Variants in BTN3A2 observed in about 807,000 individuals in gnomAD.
BTN3A2 encodes the protein butyrophilin protein.
Under a neutral mutation model 37.6 loss-of-function variants are expected in BTN3A2, and 25 were observed. That is an observed-to-expected ratio of 0.66 (90% CI 0.48 to 0.93). The LOEUF is 0.93. Ranked by LOEUF, BTN3A2 falls within the 40% of genes least tolerant of loss-of-function variation. The probability of loss-of-function intolerance (pLI) is 0.00; values close to 1 mark genes in which losing one functional copy is unlikely to be tolerated. For missense variants in BTN3A2, 266 were observed against 410.9 expected, an observed-to-expected ratio of 0.65 and a Z score of 3.05; for synonymous variants, 122 against 159.4, an observed-to-expected ratio of 0.77 and a Z score of 1.77.
At chr6:26,374,129 A>G in intron 8 of BTN3A2, 198 bp from the exon 9 acceptor site, 1 of 514,260 alleles carries the variant, frequency 1.9e-6, no homozygotes, top group Middle Eastern at 5.3e-4. Flanking sequence ...CGATGTTCCC[A>G]GACTTGATAT....
At position 26,375,868 on chromosome 6, in the gene BTN3A2, A is replaced by T; in HGVS notation, c.*106A>T. 2 of 1,546,808 alleles carry T rather than the reference A, an allele frequency of 1.3e-6. No homozygotes were observed. Among genetic ancestry groups the T allele is most frequent in the Non-Finnish European group, 1.8e-6 (2 of 1,142,686 alleles). On this transcript the variant is annotated 3_prime_UTR_variant, in exon 11 of 11. Coordinates refer to ENST00000377708, the MANE Select transcript of BTN3A2 (RefSeq NM_007047.5). The stretch of plus-strand genomic sequence containing the variant: ...ATGTATGGAAAAATAGACTGCAGAA[A>T]AGGGGAACTCATTTAGCTCACGAGT...
chr6:26,372,726 A>T, intron 5 of BTN3A2, 171 bp from the exon 6 acceptor site: 1 of 727,936 alleles, frequency 1.4e-6, no homozygotes, highest in East Asian at 2.7e-5. Context: ...GTGAGGGTTT[A>T]CCAAAGTCTT....
chr6:26,376,879 A>C lies in BTN3A2; in HGVS notation c.*1117A>C. 2 of 1,614,062 alleles carry C rather than the reference A, an allele frequency of 1.2e-6. No homozygotes were observed. Among genetic ancestry groups the C allele is most frequent in the Non-Finnish European group, 1.7e-6 (2 of 1,179,984 alleles). ...ATGGGCCTGACTGATGGGAATAAGT[A>C]TCGGGCTCTCACTGAGCCCAGAACC... On this transcript the variant is annotated 3_prime_UTR_variant, in exon 11 of 11. Coordinates refer to ENST00000377708, the MANE Select transcript of BTN3A2 (RefSeq NM_007047.5).
intron 4 of BTN3A2, among the ~76,000 whole-genome samples, chr6:26,369,655 G>C (rs565901161): frequency 3.5e-4 from 53 of 152,296 alleles, no homozygotes; most frequent in Admixed American, 8.5e-4. Flanking sequence ...TCATTGCTGA[G>C]GGGGGATGTT....
chr6:26,365,182 A>T, upstream of BTN3A2: 5 of 955,280 alleles, frequency 5.2e-6, no homozygotes, highest in Non-Finnish European at 7.6e-6. Flanking sequence ...TCAAAAAACT[A>T]ATTCTTCCAA....
intron 1 of BTN3A2, among the ~76,000 whole-genome samples, chr6:26,366,876 A>C (rs1214367270): frequency 6.6e-6 from 1 of 152,226 alleles, no homozygotes; most frequent in East Asian, 1.9e-4. Flanking sequence ...TGAGCAGCTA[A>C]TATGTTCCAG....
intron 8 of BTN3A2, 105 bp from the exon 9 acceptor site, chr6:26,374,200 GTAAAAAAAAAAAAAAAAAAAAA>G: frequency 2.6e-6 from 1 of 391,542 alleles, no homozygotes; most frequent in Non-Finnish European, 4.1e-6. Flanking sequence ...GGGTGGGATG[GTAAAAAAAAAAAAAAAAAAAAA>G]AAAAAAAAAA....
At position 26,368,514 on chromosome 6, in the gene BTN3A2, A is replaced by C. The variant is rs1741746; in HGVS notation, c.86-51A>C. ...CTGTCTGAGAAGGACCCTTCCTCTC[A>C]TGACCCCAACTCCAAAACCCTCTGA... On this transcript the variant is annotated intron_variant, in intron 3 of 10. Transcript: ENST00000377708. 64 of 1,612,932 alleles carry C rather than the reference A, an allele frequency of 4.0e-5. 1 individual carries two copies. In the Admixed American group the frequency reaches 1.0e-3, roughly 26 times the overall value.
chr6:26,371,019 C>A (rs1394420267), intron 5 of BTN3A2, among the ~76,000 whole-genome samples: 2 of 152,182 alleles, frequency 1.3e-5, no homozygotes, highest in African/African-American at 4.8e-5. Context: ...AATCCCAGCA[C>A]TTTGGGAGGC....
intron 10 of BTN3A2, chr6:26,375,560 G>T (rs1456686154): frequency 3.6e-6 from 5 of 1,375,726 alleles, no homozygotes; most frequent in Non-Finnish European, 4.0e-6. Flanking sequence ...GGACAAGGGA[G>T]CCCAGTGGCA....
At position 26,375,872 on chromosome 6, in the gene BTN3A2, G is replaced by C; in HGVS notation, c.*110G>C. The stretch of plus-strand genomic sequence containing the variant: ...ATGGAAAAATAGACTGCAGAAAAGG[G>C]GAACTCATTTAGCTCACGAGTGGTC... On this transcript the variant is annotated 3_prime_UTR_variant, in exon 11 of 11. Transcript: ENST00000377708. 1 of 1,546,310 alleles carries C rather than the reference G, an allele frequency of 6.5e-7. No homozygotes were observed.
At chr6:26,367,774 G>A (rs564595040) in intron 1 of BTN3A2, among the ~76,000 whole-genome samples, 20 of 152,322 alleles carry the variant, frequency 1.3e-4, no homozygotes, top group Non-Finnish European at 2.4e-4. Context: ...AGAGTTTGAC[G>A]CTTGAGGAGT....
rs780869237 is a variant in BTN3A2, at chr6:26,376,395, G to C, written c.*633G>C. 1.4e-5 allele frequency: 6 copies of C among 429,272 alleles called. No homozygotes were observed. Among genetic ancestry groups the C allele is most frequent in the Non-Finnish European group, 2.3e-5 (6 of 259,820 alleles). The allele number at this position is 429,272 out of a possible 1,614,324, so 26.6% of individuals were successfully genotyped here. ...TGACCTTACTTTCATTTCCCCTCTG[G>C]TCACTAGACCCCTGGGGCTTTCACC... is the stretch of plus-strand genomic sequence containing the variant. On this transcript the variant is annotated 3_prime_UTR_variant, in exon 11 of 11. Coordinates refer to ENST00000377708, the MANE Select transcript of BTN3A2 (RefSeq NM_007047.5).
chr6:26,372,804 C>G, intron 5 of BTN3A2, 93 bp from the exon 6 acceptor site: 2 of 1,479,488 alleles, frequency 1.4e-6, no homozygotes, highest in Non-Finnish European at 9.3e-7. Context: ...TTCCCCACCC[C>G]CGACCTGAGC....
intron 8 of BTN3A2, 110 bp downstream of exon 8, chr6:26,373,523 C>A: frequency 1.6e-6 from 2 of 1,239,940 alleles, no homozygotes; most frequent in Non-Finnish European, 2.2e-6. Context: ...TCTTGGATCC[C>A]TTTACCCAGA....
Position 26,376,988 on chromosome 6 carries a change from G to A in BTN3A2, c.*1226G>A, listed in dbSNP as rs139636053. On this transcript the variant is annotated 3_prime_UTR_variant, in exon 11 of 11. Transcript: ENST00000377708. Reference sequence around the variant, plus strand: ...GACATATCTCGTTCTACAATGCCACGGATGGATCTCATATCTACACATTTC... The same window carrying A: ...GACATATCTCGTTCTACAATGCCACAGATGGATCTCATATCTACACATTTC... The A allele has an allele frequency of 1.6e-3, 2,407 of 1,500,218 alleles. 22 individuals are homozygous for A. Among genetic ancestry groups the A allele is most frequent in the African/African-American group, 7.3e-3 (528 of 72,740 alleles). The allele number at this position is 1,500,218 out of a possible 1,614,324, so 92.9% of individuals were successfully genotyped here.
intron 4 of BTN3A2, among the ~76,000 whole-genome samples, chr6:26,369,337 C>G (rs922988984): frequency 2.0e-5 from 3 of 152,110 alleles, no homozygotes; most frequent in Non-Finnish European, 2.9e-5. Flanking sequence ...CTAGCCATCC[C>G]CAGGAATACT....
In BTN3A2 at chr6:26,374,344, T is replaced by C; in HGVS notation, c.982T>C (p.Ser328Pro). ...CATTGTAGGTGGAGAGGAGTCTTCGTCCGATACCAATAAGTCAGCCTGATG... is the reference window on the plus strand; with the variant it reads ...CATTGTAGGTGGAGAGGAGTCTTCGCCCGATACCAATAAGTCAGCCTGATG... ...QYLTRGEESS[S>P]DTNKSA The change falls in exon 9 of 11, where the codon TCC (serine) becomes CCC (proline). Residue 328 changes from serine to proline, a missense_variant. Ser to Pro is a moderately conservative substitution (Grantham distance 74). Around this residue, in one of 3 missense-constraint regions of BTN3A2, gnomAD observed 204 missense variants for 232.6 expected, o/e 0.88. Transcript: ENST00000377708. 6.2e-7 allele frequency: 1 copy of C among 1,611,080 alleles called. No homozygotes were observed. The highest frequency in any genetic ancestry group is 8.5e-7 in the Non-Finnish European group (1 of 1,178,952).
Position 26,376,502 on chromosome 6 carries a change from C to T in BTN3A2, c.*740C>T. The T allele has an allele frequency of 1.6e-6, 2 of 1,256,794 alleles. No individual in the cohort carries two copies. The highest frequency in any genetic ancestry group is 2.1e-6 in the Non-Finnish European group (2 of 931,794). 77.9% of individuals were successfully genotyped at this position (1,256,794 alleles called of 1,614,324 possible). A position where few individuals can be genotyped will look rare whatever the true frequency, so the allele number is the denominator to read the frequency against. On this transcript the variant is annotated 3_prime_UTR_variant, in exon 11 of 11. Coordinates refer to ENST00000377708, the MANE Select transcript of BTN3A2 (RefSeq NM_007047.5). ...AGGACCTCCTCAGCATGGCCCAAGC[C>T]TTGCATGCTGTGGCTCTTAAATCCA...
Sources: allele counts gnomAD v4.1 joint callset (sites outside exome capture counted in the v4.1 genomes callset), GRCh38; gene constraint gnomAD v4.1.1; regional missense constraint gnomAD v4.1.1; transcripts MANE v1.5; gene names NCBI Gene and HGNC (gene_info 2026-07-23, HGNC 2026-07-21).